The following INPP5D variants were observed in gnomAD, a reference collection of about 807,000 sequenced individuals.
INPP5D encodes the protein inositol polyphosphate-5-phosphatase D.
Under a neutral mutation model 122.9 loss-of-function variants are expected in INPP5D, and 33 were observed. That is an observed-to-expected ratio of 0.27 (90% CI 0.20 to 0.36). The LOEUF (loss-of-function observed/expected upper bound fraction) is 0.36, where lower values mean the gene tolerates loss of function less well. INPP5D is among the 10% of genes least tolerant of loss of function. The pLI, the probability that INPP5D is intolerant of heterozygous loss-of-function variation, is 1.00. For missense variants in INPP5D, 1,053 were observed against 1,412.7 expected, an observed-to-expected ratio of 0.75 and a Z score of 4.08; for synonymous variants, 584 against 576.2, an observed-to-expected ratio of 1.01 and a Z score of -0.19.
At chr2:233,111,659 G>A (rs1055558437) in intron 2 of INPP5D, among the ~76,000 whole-genome samples, 2 of 152,220 alleles carry the variant, frequency 1.3e-5, no homozygotes, top group East Asian at 1.9e-4. Flanking sequence ...ATCTCAGGGG[G>A]TACAATGGCG....
chr2:233,193,166 G>T (rs1440766669), intron 22 of INPP5D, among the ~76,000 whole-genome samples: 1 of 152,240 alleles, frequency 6.6e-6, no homozygotes, highest in Admixed American at 6.5e-5. Context: ...TGGGATTACA[G>T]GCGTGAGCCA....
intron 13 of INPP5D, among the ~76,000 whole-genome samples, chr2:233,168,543 A>G (rs1694405600): frequency 6.6e-6 from 1 of 152,268 alleles, no homozygotes; most frequent in Non-Finnish European, 1.5e-5. Context: ...AGCTACAGAC[A>G]ATCCAGAAGT....
At chr2:233,179,889 C>T (rs1444957003) in intron 18 of INPP5D, among the ~76,000 whole-genome samples, 3 of 152,204 alleles carry the variant, frequency 2.0e-5, no homozygotes, top group Admixed American at 6.5e-5. Context: ...TGTCCTAAAA[C>T]TCAGTGACTT....
chr2:233,091,518 T>A (rs1207443346), intron 2 of INPP5D, among the ~76,000 whole-genome samples: 3 of 152,220 alleles, frequency 2.0e-5, no homozygotes, highest in Non-Finnish European at 4.4e-5. Context: ...CCTTGGCTCA[T>A]GGCCCATTCC....
chr2:233,195,943 C>G (rs1695171435), intron 24 of INPP5D, among the ~76,000 whole-genome samples: 1 of 152,138 alleles, frequency 6.6e-6, no homozygotes, highest in Non-Finnish European at 1.5e-5. Context: ...TGTACTCCAG[C>G]CTGGGCAACA....
chr2:233,181,680 G>A lies in INPP5D; in HGVS notation c.2072-730G>A, dbSNP rs141547857. Among the ~76,000 whole-genome samples the A allele has an allele frequency of 1.9e-3, 289 of 152,202 alleles. 5 individuals are homozygous for A. The East Asian group carries it at 0.035, about 18-fold the overall frequency. On this transcript the variant is annotated intron_variant, in intron 18 of 26. Coordinates refer to ENST00000445964, the MANE Select transcript of INPP5D (RefSeq NM_001017915.3). ...CTTAACAGAGTTTTCTACACTTAGC[G>A]TCCTCCACTCTCTCCCGGTTCTATG...
rs1691714336 is a variant in INPP5D at position 233,082,347 on chromosome 2, C to T, written c.198+2949C>T. Among the ~76,000 whole-genome samples the T allele has an allele frequency of 6.6e-6, 1 of 152,150 alleles. No homozygotes were observed. The highest frequency in any genetic ancestry group is 1.5e-5 in the Non-Finnish European group (1 of 68,032). On this transcript the variant is annotated intron_variant, in intron 2 of 26. Coordinates refer to ENST00000445964, the MANE Select transcript of INPP5D (RefSeq NM_001017915.3). The surrounding 1 kb of genome is among the most constrained non-coding windows in gnomAD (Gnocchi z 4.7). Reference sequence around the variant, plus strand: ...AAGCTTTAGCAGTTATTGATCTCTGCCTATTTTAACTCAAGTTCCTCTTTT... The same window carrying T: ...AAGCTTTAGCAGTTATTGATCTCTGTCTATTTTAACTCAAGTTCCTCTTTT...
chr2:233,139,505 T>TGTGTGTGTGTGTGTGTGTG (rs1574759280), intron 5 of INPP5D, among the ~76,000 whole-genome samples: 1 of 145,232 alleles, frequency 6.9e-6, no homozygotes, highest in African/African-American at 2.6e-5. Flanking sequence ...TGTGTGTGTG[T>TGTGTGTGTGTGTGTGTGTG]TTTATAAACA....
chr2:233,109,032 C>T (rs1692537885), intron 2 of INPP5D, among the ~76,000 whole-genome samples: 1 of 151,920 alleles, frequency 6.6e-6, no homozygotes, highest in African/African-American at 2.4e-5. Flanking sequence ...CTAAATCAAG[C>T]CATGGGTTGT....
At position 233,082,939 on chromosome 2, in the gene INPP5D, G is replaced by A. The variant is rs1394048538; in HGVS notation, c.198+3541G>A. Among the ~76,000 whole-genome samples, 1 of 152,232 alleles carries A rather than the reference G, an allele frequency of 6.6e-6. No homozygotes were observed. The highest frequency in any genetic ancestry group is 1.5e-5 in the Non-Finnish European group (1 of 68,036). On this transcript the variant is annotated intron_variant, in intron 2 of 26. Transcript: ENST00000445964. The surrounding 1 kb of genome is among the most constrained non-coding windows in gnomAD (Gnocchi z 4.7). ...GTCCCCTGGGGAAGGATGAGCCCAG[G>A]ACTCTGCCCAGAGGGACAGGGAGAC...
chr2:233,194,219 G>C (rs558277630), intron 23 of INPP5D, among the ~76,000 whole-genome samples: 1 of 152,188 alleles, frequency 6.6e-6, no homozygotes, highest in Admixed American at 6.5e-5. Context: ...TCACCTGTCA[G>C]CCTTTAGGCC....
At chr2:233,115,418 T>A (rs1247393297) in intron 2 of INPP5D, among the ~76,000 whole-genome samples, 7 of 152,202 alleles carry the variant, frequency 4.6e-5, no homozygotes, top group African/African-American at 9.7e-5. Context: ...TCCTGGATGG[T>A]GTGACTTTCC....
rs2106261537 is a variant in INPP5D at position 233,127,814 on chromosome 2, G to A, written c.524+1895G>A. Among the ~76,000 whole-genome samples, 2 of 152,262 alleles carry A rather than the reference G, an allele frequency of 1.3e-5. 1 individual carries two copies. Among genetic ancestry groups the A allele is most frequent in the Middle Eastern group, 6.8e-3 (2 of 294 alleles). On this transcript the variant is annotated intron_variant, in intron 4 of 26. Transcript: ENST00000445964. ...GTAGAGACGGGGTTTCTCCATGTTG[G>A]TTAGGCTAGTCTCGAACTCCCAACC... is the stretch of plus-strand genomic sequence containing the variant.
chr2:233,133,232 C>G (rs1022647859), intron 5 of INPP5D, among the ~76,000 whole-genome samples: 8 of 152,222 alleles, frequency 5.3e-5, no homozygotes, highest in African/African-American at 1.9e-4. Context: ...ATGCCCAGTT[C>G]AAACAGTAAT....
At chr2:233,089,409 A>C (rs570047953) in intron 2 of INPP5D, among the ~76,000 whole-genome samples, 12 of 152,342 alleles carry the variant, frequency 7.9e-5, no homozygotes, top group South Asian at 2.1e-4. Flanking sequence ...CTGTTTCATA[A>C]AACTTGTGAC....
In INPP5D at chr2:233,170,379, C is replaced by T; in HGVS notation, c.1792-117C>T. 6.6e-7 allele frequency: 1 copy of T among 1,516,928 alleles called. No individual in the cohort carries two copies. The highest frequency in any genetic ancestry group is 8.9e-7 in the Non-Finnish European group (1 of 1,125,730). 94.0% of individuals were successfully genotyped at this position (1,516,928 alleles called of 1,614,324 possible). A position where few individuals can be genotyped will look rare whatever the true frequency, so the allele number is the denominator to read the frequency against. Reference sequence around the variant, plus strand: ...CGGTTCCCATAACTGTCACAGCCACCCTGCCACCATCACTCTGCAGCCCGG... The same window carrying T: ...CGGTTCCCATAACTGTCACAGCCACTCTGCCACCATCACTCTGCAGCCCGG... On this transcript the variant is annotated intron_variant, in intron 15 of 26. Coordinates refer to ENST00000445964, the MANE Select transcript of INPP5D (RefSeq NM_001017915.3). The surrounding 1 kb of genome is among the most constrained non-coding windows in gnomAD (Gnocchi z 4.5).
chr2:233,112,737 T>G (rs1692665872), intron 2 of INPP5D, among the ~76,000 whole-genome samples: 2 of 152,146 alleles, frequency 1.3e-5, no homozygotes, highest in Non-Finnish European at 2.9e-5. Flanking sequence ...AGTGGTACGA[T>G]CTCAGCTCAC....
At chr2:233,152,739 T>TG (rs976606931) in intron 9 of INPP5D, among the ~76,000 whole-genome samples, 1 of 152,144 alleles carries the variant, frequency 6.6e-6, no homozygotes, top group African/African-American at 2.4e-5. Flanking sequence ...GTGAGACGGC[T>TG]GGGCGGCCAG....
chr2:233,154,972 G>T (rs1481256362), intron 9 of INPP5D, among the ~76,000 whole-genome samples: 1 of 152,198 alleles, frequency 6.6e-6, no homozygotes, highest in African/African-American at 2.4e-5. Flanking sequence ...CTGAATTAGT[G>T]AGACCTGGCC....
Sources: allele counts gnomAD v4.1 joint callset (sites outside exome capture counted in the v4.1 genomes callset), GRCh38; gene constraint gnomAD v4.1.1; non-coding constraint Gnocchi (gnomAD v3.1); transcripts MANE v1.5; gene names NCBI Gene and HGNC (gene_info 2026-07-23, HGNC 2026-07-21).